Variants in FAM13B observed in about 807,000 individuals in gnomAD.
The protein encoded by FAM13B is family with sequence similarity 13 member B.
Under a neutral mutation model 117.3 loss-of-function variants are expected in FAM13B, and 60 were observed. The observed-to-expected ratio is 0.51, with a 90% confidence interval of 0.42 to 0.63. FAM13B has a LOEUF of 0.63. Among genes scored for constraint, FAM13B ranks in the 30% least tolerant of loss-of-function variants. The probability of loss-of-function intolerance (pLI) is 0.00; values close to 1 mark genes in which losing one functional copy is unlikely to be tolerated. For synonymous variants in FAM13B, 332 were observed against 356.1 expected (o/e 0.93, Z 0.76); for missense variants, 972 against 1,091.9 (o/e 0.89, Z 1.55).
intron 1 of FAM13B, among the ~76,000 whole-genome samples, chr5:138,030,717 C>CT (rs1190631048): frequency 7.0e-6 from 1 of 142,584 alleles, no homozygotes; most frequent in African/African-American, 2.6e-5. Flanking sequence ...TCCGTCCCCC[C>CT]CCCCCAAAAA....
At chr5:138,006,148 C>T (rs746467168) in intron 7 of FAM13B, among the ~76,000 whole-genome samples, 2 of 152,110 alleles carry the variant, frequency 1.3e-5, no homozygotes, top group African/African-American at 4.8e-5. Context: ...CTGCCCGTCT[C>T]GGCCTCCCAA....
At chr5:138,001,605 T>C (rs1781279908) in intron 7 of FAM13B, among the ~76,000 whole-genome samples, 1 of 152,202 alleles carries the variant, frequency 6.6e-6, no homozygotes, top group Non-Finnish European at 1.5e-5. Flanking sequence ...TAAGTAAACA[T>C]AATCCTGCTG....
In FAM13B at chr5:137,952,711, T is replaced by C; in HGVS notation, c.1849-2A>G. 6.3e-7 allele frequency: 1 copy of C among 1,578,516 alleles called. No individual in the cohort carries two copies. Among genetic ancestry groups the C allele is most frequent in the Non-Finnish European group, 8.6e-7 (1 of 1,156,402 alleles). On this transcript the variant is annotated splice_acceptor_variant, in intron 16 of 23. Coordinates refer to ENST00000689681, the MANE Select transcript of FAM13B (RefSeq NM_001385994.1). LOFTEE classifies it high-confidence loss of function. ...GGCAGCAATATCACTGTAGGAGGGC[T>C]GAAAAATTATGGAGCAGAATCACTG...
chr5:137,951,233 A>C (rs189448333), intron 17 of FAM13B, among the ~76,000 whole-genome samples: 2 of 147,026 alleles, frequency 1.4e-5, no homozygotes, highest in African/African-American at 5.0e-5. Context: ...AAAAAAAAAA[A>C]GGAGAGAGAG....
intron 14 of FAM13B, among the ~76,000 whole-genome samples, chr5:137,955,496 T>C (rs1297629856): frequency 1.4e-5 from 1 of 72,888 alleles, no homozygotes; most frequent in Non-Finnish European, 3.3e-5. Context: ...ATACATTTGA[T>C]GTCTTTGCAA....
At chr5:137,943,958 T>C (rs907900120) in intron 20 of FAM13B, among the ~76,000 whole-genome samples, 1 of 152,224 alleles carries the variant, frequency 6.6e-6, no homozygotes, top group African/African-American at 2.4e-5. Flanking sequence ...TGTGCAACTA[T>C]CTCCACTAAT....
chr5:138,008,425 G>C (rs1202675560), intron 6 of FAM13B, among the ~76,000 whole-genome samples: 5 of 152,160 alleles, frequency 3.3e-5, no homozygotes, highest in Admixed American at 3.3e-4. Flanking sequence ...TTGGGTGACA[G>C]AGTAAGATTT....
chr5:137,948,400 G>A (rs1198721635), intron 18 of FAM13B, among the ~76,000 whole-genome samples: 1 of 151,692 alleles, frequency 6.6e-6, no homozygotes, highest in Non-Finnish European at 1.5e-5. Context: ...TCTGTTTCAT[G>A]CTTTATTTAT....
chr5:138,043,073 C>T (rs949082811), intron 1 of FAM13B, among the ~76,000 whole-genome samples: 1 of 152,102 alleles, frequency 6.6e-6, no homozygotes, highest in African/African-American at 2.4e-5. Flanking sequence ...GCCTGGGCAA[C>T]AGAGCCAGAC....
In FAM13B at chr5:138,026,424, G is replaced by A. The variant is rs530634623; in HGVS notation, c.-202-5227C>T. ...GCAGATCACTCGAGCTCCAGAGTTC[G>A]AGACCAGCCTGGGCAACATGGCAAA... On this transcript the variant is annotated intron_variant, in intron 1 of 23. Coordinates refer to ENST00000689681, the MANE Select transcript of FAM13B (RefSeq NM_001385994.1). Among the ~76,000 whole-genome samples the A allele has an allele frequency of 1.7e-3, 263 of 151,698 alleles. 1 individual carries two copies. Among genetic ancestry groups the A allele is most frequent in the African/African-American group, 6.2e-3 (255 of 41,306 alleles).
At chr5:137,998,837 G>A (rs1330903314) in intron 7 of FAM13B, among the ~76,000 whole-genome samples, 1 of 152,198 alleles carries the variant, frequency 6.6e-6, no homozygotes, top group African/African-American at 2.4e-5. Flanking sequence ...CCTCTTCCCT[G>A]GGTCACCGGG....
intron 10 of FAM13B, 96 bp downstream of exon 10, chr5:137,985,161 G>A: frequency 2.5e-6 from 3 of 1,196,128 alleles, no homozygotes; most frequent in South Asian, 1.5e-5. Context: ...ACAATTAAGT[G>A]TATCAGCAAA....
At chr5:137,984,766 GTTT>G (rs368769764) in intron 10 of FAM13B, among the ~76,000 whole-genome samples, 5,782 of 147,952 alleles carry the variant, frequency 0.039, 136 homozygotes, top group Middle Eastern at 0.059. Context: ...AAAATAAGTT[GTTT>G]TTTTTTTTCT....
rs1777540729 is a variant in FAM13B at position 137,987,514 on chromosome 5, C to G, written c.993G>C (p.Val331=). The change falls in exon 9 of 24, where the codon GTG becomes GTC. Residue 331 remains valine, a synonymous_variant. Transcript: ENST00000689681. ...DLKNLQQQSV[V]CNNEAESIHC... is the part of the protein sequence containing the mutation. Reference sequence around the variant, plus strand: ...GAATACTTTCTGCTTCATTATTACACACCACACTTTGCTGTTGTAAATTCT... The same window carrying G: ...GAATACTTTCTGCTTCATTATTACAGACCACACTTTGCTGTTGTAAATTCT... 6.2e-7 allele frequency: 1 copy of G among 1,613,348 alleles called. No homozygotes were observed. Among genetic ancestry groups the G allele is most frequent in the East Asian group, 2.2e-5 (1 of 44,800 alleles).
intron 10 of FAM13B, among the ~76,000 whole-genome samples, chr5:137,975,261 C>G (rs1226176425): frequency 6.6e-6 from 1 of 152,188 alleles, no homozygotes; most frequent in Non-Finnish European, 1.5e-5. Context: ...CTTCACCTTA[C>G]TGTCACCGCT....
intron 10 of FAM13B, among the ~76,000 whole-genome samples, chr5:137,976,261 T>C (rs1381698689): frequency 1.3e-5 from 2 of 152,074 alleles, no homozygotes; most frequent in African/African-American, 4.8e-5. Flanking sequence ...GGCCTTCTCT[T>C]TCCTTTTAAT....
intron 1 of FAM13B, among the ~76,000 whole-genome samples, chr5:138,026,529 AG>A (rs1272639826): frequency 1.4e-5 from 2 of 143,644 alleles, no homozygotes; most frequent in African/African-American, 2.6e-5. Context: ...CGGGAGGCTG[AG>A]GTGGAAGGAT....
intron 10 of FAM13B, among the ~76,000 whole-genome samples, chr5:137,982,662 T>TTTA (rs56137309): frequency 0.18 from 26,902 of 152,098 alleles, 2,469 homozygotes; most frequent in African/African-American, 0.21. Flanking sequence ...TGAGCCGCCC[T>TTTA]TTATTTATCA....
chr5:137,943,084 A>C, intron 21 of FAM13B, 46 bp from the exon 22 acceptor site: 1 of 1,611,466 alleles, frequency 6.2e-7, no homozygotes, highest in South Asian at 1.1e-5. Context: ...TTGTCTTTGA[A>C]CTCTTCCCTT....
Sources: gnomAD v4.1 joint callset for allele counts (sites outside exome capture counted in the v4.1 genomes callset) on GRCh38, gnomAD v4.1.1 for gene constraint, MANE v1.5 for transcripts, NCBI Gene and HGNC (gene_info 2026-07-23, HGNC 2026-07-21) for gene names.